Variants in TARS3 observed in about 807,000 individuals in gnomAD.
TARS3 encodes threonine--tRNA ligase 2, cytoplasmic.
Under a neutral mutation model 103.5 loss-of-function variants are expected in TARS3, and 94 were observed. The ratio of observed to expected loss-of-function variants is 0.91; its 90% CI spans 0.77 to 1.08. The LOEUF is 1.08. Ranked by LOEUF, TARS3 falls within the 50% of genes least tolerant of loss-of-function variation. The pLI is 0.00. For synonymous variants in TARS3, 416 were observed against 355.4 expected, an observed-to-expected ratio of 1.17 and a Z score of -1.92; for missense variants, 952 against 995.2, an observed-to-expected ratio of 0.96 and a Z score of 0.58.
intron 12 of TARS3, among the ~76,000 whole-genome samples, chr15:101,681,568 C>T (rs1319793305): frequency 6.6e-6 from 1 of 152,212 alleles, no homozygotes; most frequent in Non-Finnish European, 1.5e-5. Context: ...TTATTCTTCA[C>T]AGTTCTGCAG....
intron 15 of TARS3, 58 bp downstream of exon 15, chr15:101,671,424 TACTC>T (rs1897797317): frequency 8.0e-7 from 1 of 1,249,944 alleles, no homozygotes; most frequent in Admixed American, 1.9e-5. Flanking sequence ...GCATTGCTAA[TACTC>T]AAATGACAAA....
chr15:101,688,619 C>T (rs985664782), intron 10 of TARS3, among the ~76,000 whole-genome samples: 5 of 152,140 alleles, frequency 3.3e-5, no homozygotes, highest in Admixed American at 6.5e-5. Context: ...TCCACATAAA[C>T]AGCTCCTTTC....
intron 4 of TARS3, among the ~76,000 whole-genome samples, chr15:101,712,362 G>T (rs574252306): frequency 2.0e-5 from 3 of 152,176 alleles, no homozygotes; most frequent in Non-Finnish European, 4.4e-5. Flanking sequence ...AGAGTAGGAG[G>T]AAGGCCGAGG....
intron 15 of TARS3, chr15:101,664,319 T>G (rs1897494907): frequency 1.3e-5 from 2 of 152,276 alleles, no homozygotes; most frequent in South Asian, 4.1e-4. Flanking sequence ...CTAAGCAATT[T>G]TGTTGTAGGA....
intron 5 of TARS3, among the ~76,000 whole-genome samples, chr15:101,709,353 G>A (rs560018035): frequency 6.6e-6 from 1 of 152,286 alleles, no homozygotes; most frequent in Admixed American, 6.5e-5. Context: ...CTCAGCCTCC[G>A]CTATGCATGG....
At chr15:101,661,538 T>C (rs1348998169) in intron 16 of TARS3, among the ~76,000 whole-genome samples, 174 bp downstream of exon 16, 1 of 152,140 alleles carries the variant, frequency 6.6e-6, no homozygotes, top group East Asian at 1.9e-4. Context: ...CTTTATTTGC[T>C]GTTTGGACAA....
chr15:101,693,254 G>A (rs1898807753), intron 10 of TARS3, among the ~76,000 whole-genome samples: 1 of 152,214 alleles, frequency 6.6e-6, no homozygotes, highest in Admixed American at 6.5e-5. Context: ...TCACAGTTCA[G>A]CATGGCTGGT....
chr15:101,681,848 A>G (rs1471690191), intron 12 of TARS3, among the ~76,000 whole-genome samples: 1 of 152,220 alleles, frequency 6.6e-6, no homozygotes, highest in Non-Finnish European at 1.5e-5. Context: ...GGGAGTCACA[A>G]TTCAGTCCAT....
chr15:101,723,257 G>C (rs896203333), intron 1 of TARS3, 93 bp from the exon 2 acceptor site: 4 of 1,111,462 alleles, frequency 3.6e-6, no homozygotes, highest in Non-Finnish European at 5.5e-6. Flanking sequence ...CAAGTGCCCC[G>C]TGTTTAGAGG....
intron 15 of TARS3, among the ~76,000 whole-genome samples, chr15:101,671,183 A>T (rs77151675): frequency 0.011 from 1,681 of 152,196 alleles, 7 homozygotes; most frequent in Non-Finnish European, 0.018. Flanking sequence ...TAAGACACAG[A>T]CCCAATGCCA....
chr15:101,659,644 C>T (rs573468910), intron 16 of TARS3, among the ~76,000 whole-genome samples: 1 of 152,200 alleles, frequency 6.6e-6, no homozygotes, highest in Non-Finnish European at 1.5e-5. Flanking sequence ...TTTCTTTAAA[C>T]CACTTTCACT....
chr15:101,681,625 G>T (rs1262784135), intron 12 of TARS3, among the ~76,000 whole-genome samples: 1 of 152,224 alleles, frequency 6.6e-6, no homozygotes, highest in Non-Finnish European at 1.5e-5. Flanking sequence ...GTTCCCTGGT[G>T]AGGGCTTTCT....
At chr15:101,665,699 AG>A (rs1358625731) in intron 15 of TARS3, among the ~76,000 whole-genome samples, 2 of 152,260 alleles carry the variant, frequency 1.3e-5, no homozygotes. Flanking sequence ...ACATAAAAAT[AG>A]AAAAATCAGC....
chr15:101,699,407 C>T (rs1483786355), intron 10 of TARS3: 1 of 455,912 alleles, frequency 2.2e-6, no homozygotes. Context: ...AGGCCCTGCT[C>T]CTGTTCATCA....
chr15:101,701,120 G>T lies in TARS3; in HGVS notation c.1286C>A (p.Ala429Asp). The T allele has an allele frequency of 6.3e-7, 1 of 1,593,456 alleles. No homozygotes were observed. The highest frequency in any genetic ancestry group is 8.5e-7 in the Non-Finnish European group (1 of 1,173,756). ...ATCTGTAAGCGTATTATAAATGAAG[G>T]CTCCTCTGGGAAGGAAAAAACAGCT... Reference protein sequence around the residue: ...PGSCFFLPRGAFIYNTLTDFI... With the variant: ...PGSCFFLPRGDFIYNTLTDFI... The change falls in exon 10 of 19, where the codon GCC becomes GAC. Residue 429 changes from alanine (A) to aspartate (D), a missense_variant. Physicochemically the swap from Ala to Asp is moderately radical, Grantham distance 126. This residue lies in a region of TARS3 where 540 missense variants were observed against 631.0 expected (regional missense o/e 0.86). Coordinates refer to ENST00000335968, the MANE Select transcript of TARS3 (RefSeq NM_152334.3).
chr15:101,706,316 T>C (rs1249076501), intron 6 of TARS3, among the ~76,000 whole-genome samples: 1 of 152,106 alleles, frequency 6.6e-6, no homozygotes, highest in Non-Finnish European at 1.5e-5. Context: ...AAAGAAGATG[T>C]GCAGTGAGTA....
chr15:101,719,064 G>C (rs1377915483), intron 3 of TARS3, among the ~76,000 whole-genome samples: 10 of 152,188 alleles, frequency 6.6e-5, no homozygotes, highest in Admixed American at 5.9e-4. Context: ...GCCCATGGAG[G>C]ATCATGGGAT....
intron 12 of TARS3, among the ~76,000 whole-genome samples, chr15:101,679,205 T>C (rs1192290232): frequency 6.6e-6 from 1 of 152,194 alleles, no homozygotes; most frequent in Admixed American, 6.5e-5. Flanking sequence ...CAGCTATTAT[T>C]TCTTTGAGTA....
At position 101,699,273 on chromosome 15, in the gene TARS3, T is replaced by G. The variant is rs934921825; in HGVS notation, c.1320+1813A>C. ...AATGCAAAGTTCTCAGTGTCGCCTG[T>G]GTCTGTCAAATATTCCCATTCCAAG... On this transcript the variant is annotated intron_variant, in intron 10 of 18. Coordinates refer to ENST00000335968, the MANE Select transcript of TARS3 (RefSeq NM_152334.3). The G allele has an allele frequency of 1.1e-5, 4 of 354,364 alleles. No homozygotes were observed. In the Admixed American group the frequency reaches 1.5e-4, roughly 13 times the overall value. 22.0% of individuals were successfully genotyped at this position (354,364 alleles called of 1,614,324 possible).
Sources: allele counts gnomAD v4.1 joint callset (sites outside exome capture counted in the v4.1 genomes callset), GRCh38; gene constraint gnomAD v4.1.1; regional missense constraint gnomAD v4.1.1; transcripts MANE v1.5; gene names NCBI Gene and HGNC (gene_info 2026-07-23, HGNC 2026-07-21).